The following DCAF6 variants were observed in gnomAD, a reference collection of about 807,000 sequenced individuals.
DCAF6 encodes the protein DDB1 and CUL4 associated factor 6.
In DCAF6, 54 loss-of-function variants were observed where a neutral mutation model predicts 125.1. The ratio of observed to expected loss-of-function variants is 0.43; its 90% CI spans 0.35 to 0.54. The LOEUF is 0.54. DCAF6 is among the 20% of genes least tolerant of loss of function. DCAF6 has a pLI of 0.01. For missense variants in DCAF6, 934 were observed against 1,161.7 expected (o/e 0.80, Z 2.85); for synonymous variants, 371 against 390.4 (o/e 0.95, Z 0.58).
rs1321045729 is a variant in DCAF6 at position 167,957,104 on chromosome 1, T to A, written c.159+5243T>A. On this transcript the variant is annotated intron_variant, in intron 2 of 21. Transcript: ENST00000367840. Reference sequence around the variant, plus strand: ...TGTTGACTATAAGTGGACATTTATTTTTTTTTTAATTTAGATGTGCTCACA... The same window carrying A: ...TGTTGACTATAAGTGGACATTTATTATTTTTTTAATTTAGATGTGCTCACA... Among the ~76,000 whole-genome samples, 3 of 152,250 alleles carry A rather than the reference T, an allele frequency of 2.0e-5. No individual in the cohort carries two copies. The East Asian group carries it at 5.8e-4, about 29-fold the overall frequency.
intron 13 of DCAF6, among the ~76,000 whole-genome samples, chr1:168,041,894 GCACACA>G (rs869267755): frequency 1.5e-4 from 8 of 54,442 alleles, no homozygotes; most frequent in African/African-American, 6.0e-4. Context: ...TGTTTGTCGC[GCACACA>G]CACACACACA....
chr1:168,018,590 C>G (rs921051200), intron 11 of DCAF6, among the ~76,000 whole-genome samples: 1 of 152,020 alleles, frequency 6.6e-6, no homozygotes, highest in Non-Finnish European at 1.5e-5. Context: ...AATGATAATT[C>G]TTTAGAACTA....
chr1:167,895,180 CAA>C, the DCAF6 span, among the ~76,000 whole-genome samples: 36 of 67,660 alleles, frequency 5.3e-4, no homozygotes, highest in Admixed American at 1.2e-3. Context: ...GACTCCATCT[CAA>C]AAAAAAAAAA....
chr1:167,929,698 A>T, the DCAF6 span, among the ~76,000 whole-genome samples: 1 of 152,338 alleles, frequency 6.6e-6, no homozygotes, highest in Non-Finnish European at 1.5e-5. Context: ...TAGGCCACCT[A>T]TCGTATATAT....
the DCAF6 span, among the ~76,000 whole-genome samples, chr1:167,930,709 C>T: frequency 2.0e-5 from 3 of 152,182 alleles, no homozygotes; most frequent in Non-Finnish European, 4.4e-5. Context: ...ACGACTAGAA[C>T]ACAGTTTCTT....
rs1395325094 is a variant in DCAF6, at chr1:167,993,231, T to A, written c.694T>A (p.Tyr232Asn). 13 of 1,611,086 alleles carry A rather than the reference T, an allele frequency of 8.1e-6. No individual in the cohort carries two copies. The highest frequency in any genetic ancestry group is 1.3e-5 in the African/African-American group (1 of 74,796). Reference protein sequence around the residue: ...RMLGTRATGNYAGRGTTGMVA... With the variant: ...RMLGTRATGNNAGRGTTGMVA... The stretch of plus-strand genomic sequence containing the variant: ...ACTTCTTGTTTCTTTTTTAGGGAAT[T>A]ATGCAGGTCGAGGGACTACTGGAAT... Residue 232 changes from tyrosine (Y) to asparagine (N), a missense_variant, in exon 7 of 22, where the codon TAT (tyrosine) becomes AAT (asparagine). Coordinates refer to ENST00000367840, the MANE Select transcript of DCAF6 (RefSeq NM_001198956.2).
the DCAF6 span, chr1:167,903,739 A>T: frequency 1.5e-6 from 1 of 662,196 alleles, no homozygotes. Context: ...ATACTATATC[A>T]TATTTCAAAA....
At chr1:168,027,229 T>C (rs1686451897) in intron 12 of DCAF6, among the ~76,000 whole-genome samples, 1 of 152,156 alleles carries the variant, frequency 6.6e-6, no homozygotes, top group South Asian at 2.1e-4. Flanking sequence ...GACTTTGTTA[T>C]GTCTCTTTTC....
At chr1:167,915,751 C>T in the DCAF6 span, among the ~76,000 whole-genome samples, 1 of 151,998 alleles carries the variant, frequency 6.6e-6, no homozygotes, top group East Asian at 1.9e-4. Flanking sequence ...GCGCCTGGCC[C>T]GTTTCCTGAA....
intron 17 of DCAF6, among the ~76,000 whole-genome samples, chr1:168,057,385 G>C (rs1011737228): frequency 1.3e-5 from 2 of 152,064 alleles, no homozygotes; most frequent in South Asian, 2.1e-4. Flanking sequence ...CAAGATTCCA[G>C]ATTTTCTGGA....
intron 10 of DCAF6, among the ~76,000 whole-genome samples, chr1:168,006,303 CAT>C (rs1460084378): frequency 4.6e-5 from 7 of 151,986 alleles, no homozygotes; most frequent in Non-Finnish European, 1.5e-5. Flanking sequence ...CTTTGGTGGT[CAT>C]GTGATGATTA....
At chr1:167,909,314 C>T in the DCAF6 span, among the ~76,000 whole-genome samples, 1 of 152,084 alleles carries the variant, frequency 6.6e-6, no homozygotes, top group African/African-American at 2.4e-5. Flanking sequence ...CACTTTTAGA[C>T]CATTATGAAT....
chr1:167,902,262 A>G, the DCAF6 span, among the ~76,000 whole-genome samples: 3 of 152,204 alleles, frequency 2.0e-5, no homozygotes, highest in Non-Finnish European at 2.9e-5. Context: ...ACCAGTTTAC[A>G]TCTATGCTCC....
At chr1:167,924,080 C>T in the DCAF6 span, among the ~76,000 whole-genome samples, 2 of 152,266 alleles carry the variant, frequency 1.3e-5, no homozygotes, top group African/African-American at 2.4e-5. Flanking sequence ...TATTTATATT[C>T]GAATAAATCC....
At chr1:168,036,018 C>T (rs570519727) in intron 12 of DCAF6, among the ~76,000 whole-genome samples, 281 of 152,092 alleles carry the variant, frequency 1.8e-3, no homozygotes, top group African/African-American at 6.1e-3. Context: ...GCCGAGATCG[C>T]GCCATTGCAC....
At chr1:167,941,578 A>G (rs1175646616) in intron 1 of DCAF6, among the ~76,000 whole-genome samples, 2 of 152,014 alleles carry the variant, frequency 1.3e-5, no homozygotes, top group Non-Finnish European at 2.9e-5. Context: ...GTTTTTTTTC[A>G]TATTGTTACA....
At position 168,019,672 on chromosome 1, in the gene DCAF6, G is replaced by A. The variant is rs965328170; in HGVS notation, c.1550-3316G>A. On this transcript the variant is annotated intron_variant, in intron 11 of 21. Coordinates refer to ENST00000367840, the MANE Select transcript of DCAF6 (RefSeq NM_001198956.2). ...AGCCAGCCTAGAGAGGGTCAGGTAG[G>A]AACTGTTTTTTCACTTTATGGCACG... 1.4e-5 allele frequency: 3 copies of A among 218,812 alleles called. No individual in the cohort carries two copies. The Admixed American group carries it at 1.6e-4, about 11-fold the overall frequency. 13.6% of individuals were successfully genotyped at this position (218,812 alleles called of 1,614,324 possible). A position where few individuals can be genotyped will look rare whatever the true frequency, so the allele number is the denominator to read the frequency against.
the DCAF6 span, among the ~76,000 whole-genome samples, chr1:167,921,114 G>A: frequency 6.6e-6 from 1 of 152,234 alleles, no homozygotes; most frequent in Non-Finnish European, 1.5e-5. Flanking sequence ...TGGGGTATAT[G>A]TGCAGGTTTG....
the DCAF6 span, among the ~76,000 whole-genome samples, chr1:167,872,027 AAAAT>A: frequency 3.9e-5 from 6 of 152,140 alleles, no homozygotes; most frequent in South Asian, 1.0e-3. Flanking sequence ...ATAATAATAA[AAAAT>A]AAATAAATAA....
Sources: allele counts gnomAD v4.1 joint callset (sites outside exome capture counted in the v4.1 genomes callset), GRCh38; gene constraint gnomAD v4.1.1; transcripts MANE v1.5; gene names NCBI Gene and HGNC (gene_info 2026-07-23, HGNC 2026-07-21).